The following SUGT1 variants were observed in gnomAD, a reference collection of about 807,000 sequenced individuals.
SUGT1 encodes SGT1 assembly cochaperone of MIS12 kinetochore complex.
SUGT1 carries 15 observed loss-of-function variants against 56.1 expected under a neutral mutation model. The observed-to-expected ratio is 0.27, with a 90% confidence interval of 0.18 to 0.41. SUGT1 has a LOEUF of 0.41. SUGT1 is among the 10% of genes least tolerant of loss of function. The probability of loss-of-function intolerance (pLI) is 1.00; values close to 1 mark genes in which losing one functional copy is unlikely to be tolerated. For synonymous variants in SUGT1, 123 were observed against 128.6 expected (o/e 0.96, Z 0.30); for missense variants, 347 against 382.2 (o/e 0.91, Z 0.77).
chr13:52,689,923 C>T lies in SUGT1; in HGVS notation c.*2088C>T, dbSNP rs764641124. The T allele has an allele frequency of 4.0e-5, 6 of 150,160 alleles. No individual in the cohort carries two copies. 9.3% of individuals were successfully genotyped at this position (150,160 alleles called of 1,614,324 possible). On this transcript the variant is annotated 3_prime_UTR_variant, in exon 13 of 13. Transcript: ENST00000310528. ...GGCAGGGGGTGCAGTGAGCCAAGATCATGCCACTGCACTCCAGCCTGGGCG... is the reference window on the plus strand; with the variant it reads ...GGCAGGGGGTGCAGTGAGCCAAGATTATGCCACTGCACTCCAGCCTGGGCG...
chr13:52,659,812 A>G (rs867765729), intron 5 of SUGT1, among the ~76,000 whole-genome samples: 2 of 38,180 alleles, frequency 5.2e-5, no homozygotes, highest in Non-Finnish European at 8.4e-5. Flanking sequence ...ATATATATAT[A>G]TATTTTTTTT....
chr13:52,664,716 T>C (rs1179856709), intron 8 of SUGT1, among the ~76,000 whole-genome samples: 2 of 152,098 alleles, frequency 1.3e-5, no homozygotes, highest in African/African-American at 4.8e-5. Context: ...TCATGGTAGT[T>C]GTGGGGAGAT....
At chr13:52,677,132 A>G (rs1482558098) in intron 11 of SUGT1, among the ~76,000 whole-genome samples, 1 of 152,138 alleles carries the variant, frequency 6.6e-6, no homozygotes, top group Non-Finnish European at 1.5e-5. Context: ...CAGAAAACAC[A>G]TTTCCTTGTG....
In SUGT1 at chr13:52,695,020, A is replaced by ATCT; in HGVS notation, c.*7185_*7186insTCT. 6.6e-6 allele frequency: 1 copy of ATCT among 152,362 alleles called. No individual in the cohort carries two copies. Among genetic ancestry groups the ATCT allele is most frequent in the Admixed American group, 6.5e-5 (1 of 15,304 alleles). 9.4% of individuals were successfully genotyped at this position (152,362 alleles called of 1,614,324 possible). Reference sequence around the variant, plus strand: ...AGATGTTTTTATGAGTTAATTCATCAATCTTATTATTCTTGCCCCAAATGA... The same window carrying ATCT: ...AGATGTTTTTATGAGTTAATTCATCATCTATCTTATTATTCTTGCCCCAAATGA... On this transcript the variant is annotated 3_prime_UTR_variant, in exon 13 of 13. Transcript: ENST00000310528.
At chr13:52,674,466 C>T (rs1963066133) in intron 10 of SUGT1, among the ~76,000 whole-genome samples, 1 of 151,970 alleles carries the variant, frequency 6.6e-6, no homozygotes, top group Non-Finnish European at 1.5e-5. Context: ...CATATACCAT[C>T]ATTTTATCTC....
intron 5 of SUGT1, chr13:52,661,435 G>A (rs1594233278): frequency 3.7e-6 from 1 of 270,670 alleles, no homozygotes; most frequent in Non-Finnish European, 7.3e-6. Flanking sequence ...TGGGACTACA[G>A]GCATGCACCA....
chr13:52,655,241 G>A (rs544272166), intron 2 of SUGT1, among the ~76,000 whole-genome samples: 9 of 152,186 alleles, frequency 5.9e-5, no homozygotes, highest in Non-Finnish European at 1.2e-4. Flanking sequence ...TACCTGCGAG[G>A]CTGAGGCAGG....
At chr13:52,676,531 A>G (rs1963149186) in intron 11 of SUGT1, among the ~76,000 whole-genome samples, 2 of 152,208 alleles carry the variant, frequency 1.3e-5, no homozygotes, top group South Asian at 2.1e-4. Context: ...AATGGCAGCA[A>G]AATCCTAGAG....
chr13:52,665,918 G>A (rs1268516445), intron 9 of SUGT1, among the ~76,000 whole-genome samples, 185 bp downstream of exon 9: 1 of 152,088 alleles, frequency 6.6e-6, no homozygotes, highest in African/African-American at 2.4e-5. Context: ...AATTATAGCT[G>A]GATGTGCATT....
chr13:52,652,916 G>A lies in SUGT1; in HGVS notation c.-5G>A, dbSNP rs1203134931. The stretch of plus-strand genomic sequence containing the variant: ...CTCCGGCGGCAGCAACAGCGACTAC[G>A]AGGGATGGCGGCGGCTGCAGCAGGA... On this transcript the variant is annotated 5_prime_UTR_variant, in exon 1 of 13. Coordinates refer to ENST00000310528, the MANE Select transcript of SUGT1 (RefSeq NM_006704.5). 1 of 1,613,730 alleles carries A rather than the reference G, an allele frequency of 6.2e-7. No homozygotes were observed. Among genetic ancestry groups the A allele is most frequent in the African/African-American group, 1.3e-5 (1 of 74,942 alleles).
At chr13:52,678,543 T>C (rs1022179849) in intron 11 of SUGT1, among the ~76,000 whole-genome samples, 1 of 152,216 alleles carries the variant, frequency 6.6e-6, no homozygotes, top group Non-Finnish European at 1.5e-5. Context: ...ACACAGTAGC[T>C]GCTAGCCACA....
chr13:52,653,068 G>T lies in SUGT1; in HGVS notation c.61G>T (p.Ala21Ser). 3.7e-6 allele frequency: 6 copies of T among 1,614,168 alleles called. No individual in the cohort carries two copies. The highest frequency in any genetic ancestry group is 5.1e-6 in the Non-Finnish European group (6 of 1,180,040). ...CAGGTTTTTCCAGAGCTTCTCGGATGCCCTAATCGACGAGGACCCCCAGGC... is the reference window on the plus strand; with the variant it reads ...CAGGTTTTTCCAGAGCTTCTCGGATTCCCTAATCGACGAGGACCCCCAGGC... ...SQRFFQSFSD[A>S]LIDEDPQAAL... The change falls in exon 2 of 13, where the codon GCC becomes TCC. Residue 21 changes from alanine (A) to serine (S), a missense_variant. Ala to Ser is a moderately conservative substitution (Grantham distance 99). Coordinates refer to ENST00000310528, the MANE Select transcript of SUGT1 (RefSeq NM_006704.5).
At chr13:52,658,087 C>G in intron 3 of SUGT1, 14 of 1,249,846 alleles carry the variant, frequency 1.1e-5, no homozygotes, top group Non-Finnish European at 1.4e-5. Flanking sequence ...GTATTTTGTA[C>G]CTTCTGAATA....
intron 10 of SUGT1, among the ~76,000 whole-genome samples, chr13:52,671,973 C>T (rs2138145189): frequency 6.6e-6 from 1 of 152,234 alleles, no homozygotes; most frequent in South Asian, 2.1e-4. Context: ...ATATGGATAA[C>T]AATCTTTTTT....
At chr13:52,653,895 G>A (rs759132321) in intron 2 of SUGT1, among the ~76,000 whole-genome samples, 1 of 152,214 alleles carries the variant, frequency 6.6e-6, no homozygotes, top group Non-Finnish European at 1.5e-5. Context: ...GCAAGACAGC[G>A]TCTTTTCTAG....
intron 12 of SUGT1, among the ~76,000 whole-genome samples, chr13:52,686,668 C>T (rs190291480): frequency 6.6e-6 from 1 of 152,294 alleles, no homozygotes; most frequent in East Asian, 1.9e-4. Context: ...TAACTGTATA[C>T]ATTGGCCACT....
At chr13:52,655,398 C>T (rs115219466) in intron 2 of SUGT1, among the ~76,000 whole-genome samples, 259 of 152,200 alleles carry the variant, frequency 1.7e-3, no homozygotes, top group African/African-American at 5.8e-3. Flanking sequence ...TATGGAGATC[C>T]GTCAAGAATT....
At chr13:52,667,219 GAT>G (rs1962744696) in intron 10 of SUGT1, among the ~76,000 whole-genome samples, 1 of 152,160 alleles carries the variant, frequency 6.6e-6, no homozygotes, top group Non-Finnish European at 1.5e-5. Flanking sequence ...TTTAAGATTT[GAT>G]ACTGACAATG....
rs767656755 is a variant in SUGT1, at chr13:52,700,604, T to A, written c.*12769T>A. 3 of 147,378 alleles carry A rather than the reference T, an allele frequency of 2.0e-5. No homozygotes were observed. The highest frequency in any genetic ancestry group is 4.4e-5 in the Non-Finnish European group (3 of 67,990). 9.1% of individuals were successfully genotyped at this position (147,378 alleles called of 1,614,324 possible). ...TCAGCTTTTATAAACACCAAAACAC[T>A]CTCTGCCTGTAAAATGTTTTTGCTG... On this transcript the variant is annotated 3_prime_UTR_variant, in exon 13 of 13. Transcript: ENST00000310528.
Sources: gnomAD v4.1 joint callset for allele counts (sites outside exome capture counted in the v4.1 genomes callset) on GRCh38, gnomAD v4.1.1 for gene constraint, MANE v1.5 for transcripts, NCBI Gene and HGNC (gene_info 2026-07-23, HGNC 2026-07-21) for gene names.